Variants in BARD1 observed in about 807,000 individuals in gnomAD.
The protein encoded by BARD1 is BRCA1-associated RING domain protein 1.
BARD1 carries 73 observed loss-of-function variants against 77.0 expected under a neutral mutation model. That is an observed-to-expected ratio of 0.95 (90% confidence interval 0.79 to 1.15). BARD1 has a LOEUF of 1.15. BARD1 is among the 50% of genes most tolerant of loss of function. The pLI, the probability that BARD1 is intolerant of heterozygous loss-of-function variation, is 0.00. For missense variants in BARD1, 993 were observed against 938.8 expected (o/e 1.06, Z -0.75); for synonymous variants, 384 against 338.0 (o/e 1.14, Z -1.49).
intron 1 of BARD1, among the ~76,000 whole-genome samples, chr2:214,808,200 G>A (rs1696364795): frequency 6.6e-6 from 1 of 152,188 alleles, no homozygotes; most frequent in Admixed American, 6.5e-5. Context: ...ACGAGGTCAG[G>A]AGACGGAGAC....
rs543245847 is a variant in BARD1, at chr2:214,787,187, A to G, written c.364+5110T>C. On this transcript the variant is annotated intron_variant, in intron 3 of 10. Coordinates refer to ENST00000260947, the MANE Select transcript of BARD1 (RefSeq NM_000465.4). Reference sequence around the variant, plus strand: ...ATGTAGAATTGAGCTTTTAAAGGAAAATTAAGGCTTATATATAGCAGCAAC... The same window carrying G: ...ATGTAGAATTGAGCTTTTAAAGGAAGATTAAGGCTTATATATAGCAGCAAC... Among the ~76,000 whole-genome samples the G allele has an allele frequency of 5.3e-5, 8 of 152,022 alleles. No homozygotes were observed. The South Asian group carries it at 1.7e-3, about 32-fold the overall frequency.
chr2:214,737,275 A>C (rs1476322858), intron 9 of BARD1, among the ~76,000 whole-genome samples: 1 of 152,142 alleles, frequency 6.6e-6, no homozygotes, highest in African/African-American at 2.4e-5. Flanking sequence ...TTCAGCCCTC[A>C]GAGTCCTCAG....
At chr2:214,746,714 TA>T (rs1345703743) in intron 7 of BARD1, among the ~76,000 whole-genome samples, 1 of 152,162 alleles carries the variant, frequency 6.6e-6, no homozygotes, top group Admixed American at 6.5e-5. Context: ...CTAAACGCTA[TA>T]AACCCTCCTC....
intron 4 of BARD1, among the ~76,000 whole-genome samples, chr2:214,776,263 G>A (rs1409324519): frequency 1.3e-5 from 2 of 151,996 alleles, no homozygotes; most frequent in African/African-American, 4.8e-5. Context: ...AGGTCAGGAT[G>A]GCACAAATTC....
intron 4 of BARD1, among the ~76,000 whole-genome samples, chr2:214,778,623 C>T (rs1694839226): frequency 6.6e-6 from 1 of 152,100 alleles, no homozygotes; most frequent in African/African-American, 2.4e-5. Flanking sequence ...AGTAGGCAAA[C>T]TATAGCCTAT....
intron 4 of BARD1, among the ~76,000 whole-genome samples, chr2:214,779,397 C>T (rs1246108262): frequency 1.3e-5 from 2 of 151,458 alleles, no homozygotes; most frequent in African/African-American, 4.9e-5. Context: ...TTTTAATTTG[C>T]ATTTTTTTAT....
rs746495820 is a variant in BARD1, at chr2:214,809,521, C to T, written c.49G>A (p.Gly17Arg). ...PRNRQPRIRSGNEPRSAPAME... is the reference protein window; with the variant it reads ...PRNRQPRIRSRNEPRSAPAME... ...GCGGGCGCGGAACGAGGCTCGTTCC[C>T]GGAGCGGATCCTCGGCTGCCGGTTC... Residue 17 changes from glycine to arginine, a missense_variant, in exon 1 of 11, where the codon GGG becomes AGG. Physicochemically the swap from Gly to Arg is moderately radical, Grantham distance 125. Coordinates refer to ENST00000260947, the MANE Select transcript of BARD1 (RefSeq NM_000465.4). 6.9e-6 allele frequency: 11 copies of T among 1,592,310 alleles called. No individual in the cohort carries two copies. Among genetic ancestry groups the T allele is most frequent in the Admixed American group, 1.7e-5 (1 of 58,542 alleles).
chr2:214,780,461 A>T, intron 4 of BARD1, 99 bp downstream of exon 4: 1 of 960,878 alleles, frequency 1.0e-6, no homozygotes, highest in Non-Finnish European at 1.6e-6. Flanking sequence ...GTGAAAGGTT[A>T]ATTATCCTAG....
intron 6 of BARD1, among the ~76,000 whole-genome samples, chr2:214,760,946 T>G (rs553179271): frequency 1.3e-5 from 2 of 151,678 alleles, no homozygotes; most frequent in East Asian, 3.9e-4. Flanking sequence ...AGCTAATTTT[T>G]TGTATTTTTA....
intron 9 of BARD1, among the ~76,000 whole-genome samples, chr2:214,733,453 T>C (rs1460340716): frequency 6.6e-6 from 1 of 152,194 alleles, no homozygotes; most frequent in African/African-American, 2.4e-5. Flanking sequence ...CTGTGAGCCA[T>C]CATGTTAGGT....
chr2:214,792,072 A>C (rs1169061743), intron 3 of BARD1, among the ~76,000 whole-genome samples: 1 of 150,262 alleles, frequency 6.7e-6, no homozygotes. Context: ...TGTACCAGGG[A>C]GGCTGAGGTG....
intron 7 of BARD1, among the ~76,000 whole-genome samples, chr2:214,751,113 GTGTGTA>G (rs1278582954): frequency 8.7e-4 from 8 of 9,156 alleles, no homozygotes; most frequent in African/African-American, 1.6e-3. Flanking sequence ...GTGTGTGTGT[GTGTGTA>G]TATATATATA....
rs1201590451 is a variant in BARD1 at position 214,726,186 on chromosome 2, C to G, written c.*2490G>C. 4.7e-6 allele frequency: 1 copy of G among 212,458 alleles called. No homozygotes were observed. The highest frequency in any genetic ancestry group is 9.5e-6 in the Non-Finnish European group (1 of 105,090). 13.2% of individuals were successfully genotyped at this position (212,458 alleles called of 1,614,324 possible). A position where few individuals can be genotyped will look rare whatever the true frequency, so the allele number is the denominator to read the frequency against. On this transcript the variant is annotated 3_prime_UTR_variant, in exon 11 of 11. Coordinates refer to ENST00000260947, the MANE Select transcript of BARD1 (RefSeq NM_000465.4). The stretch of plus-strand genomic sequence containing the variant: ...TTATTTCAATCATAATGCTAATATA[C>G]TTCCCATCTGGTTTCTATTTTTCAG...
In BARD1 at chr2:214,763,171, CTT is replaced by C. The variant is rs541953675; in HGVS notation, c.1568+4309_1568+4310del. 6.6e-5 allele frequency among the ~76,000 whole-genome samples: 10 copies of C among 152,278 alleles called. No homozygotes were observed. The South Asian group carries it at 2.1e-3, about 32-fold the overall frequency. Reference sequence around the variant, plus strand: ...GAGTACCTTAGCACCCATATCTTATCTTTCTCAAAATCCCATCCTCCCGTTCT... The same window carrying C: ...GAGTACCTTAGCACCCATATCTTATCTCTCAAAATCCCATCCTCCCGTTCT... On this transcript the variant is annotated intron_variant, in intron 6 of 10. Coordinates refer to ENST00000260947, the MANE Select transcript of BARD1 (RefSeq NM_000465.4).
intron 3 of BARD1, among the ~76,000 whole-genome samples, chr2:214,785,659 T>C (rs769622491): frequency 9.2e-5 from 14 of 151,712 alleles, no homozygotes; most frequent in Non-Finnish European, 2.1e-4. Flanking sequence ...TAACTCCCAA[T>C]CTGGCACTCT....
intron 4 of BARD1, among the ~76,000 whole-genome samples, chr2:214,777,786 T>C (rs1367911115): frequency 6.6e-6 from 1 of 152,228 alleles, no homozygotes; most frequent in Non-Finnish European, 1.5e-5. Context: ...AATCCTTTTC[T>C]GAAGCAGGTG....
At position 214,781,639 on chromosome 2, in the gene BARD1, C is replaced by T. The variant is rs1695044209; in HGVS notation, c.365-130G>A. 5 of 714,064 alleles carry T rather than the reference C, an allele frequency of 7.0e-6. No homozygotes were observed. In the South Asian group the frequency reaches 7.5e-5, roughly 11 times the overall value. 44.2% of individuals were successfully genotyped at this position (714,064 alleles called of 1,614,324 possible). On this transcript the variant is annotated intron_variant, in intron 3 of 10. Coordinates refer to ENST00000260947, the MANE Select transcript of BARD1 (RefSeq NM_000465.4). ...TAATTATGTACTTCTTTCTCAGCTC[C>T]TAGAGTGTGAACTCTTTGATAGCAG...
At chr2:214,771,503 G>T (rs759899274) in intron 4 of BARD1, among the ~76,000 whole-genome samples, 3 of 152,106 alleles carry the variant, frequency 2.0e-5, no homozygotes, top group African/African-American at 7.2e-5. Flanking sequence ...GCTGAGGCAG[G>T]CAAATCATGA....
Position 214,809,585 on chromosome 2 carries a change from T to C in BARD1, c.-16A>G, listed in dbSNP as rs1053528267. 1.3e-6 allele frequency: 2 copies of C among 1,537,750 alleles called. No homozygotes were observed. Among genetic ancestry groups the C allele is most frequent in the African/African-American group, 1.4e-5 (1 of 73,034 alleles). Reference sequence around the variant, plus strand: ...TATCCGGCATCGTCCCGCCTTCGGATGAAAGGCTCCTCGCAGAGCGGGAAG... The same window carrying C: ...TATCCGGCATCGTCCCGCCTTCGGACGAAAGGCTCCTCGCAGAGCGGGAAG... On this transcript the variant is annotated 5_prime_UTR_variant, in exon 1 of 11. Coordinates refer to ENST00000260947, the MANE Select transcript of BARD1 (RefSeq NM_000465.4).
Sources: allele counts gnomAD v4.1 joint callset (sites outside exome capture counted in the v4.1 genomes callset), GRCh38; gene constraint gnomAD v4.1.1; transcripts MANE v1.5; gene names NCBI Gene and HGNC (gene_info 2026-07-23, HGNC 2026-07-21).